Variants in IQGAP2 observed in about 807,000 individuals in gnomAD.
The protein encoded by IQGAP2 is ras GTPase-activating-like protein IQGAP2.
Under a neutral mutation model 201.3 loss-of-function variants are expected in IQGAP2, and 173 were observed. The observed-to-expected ratio is 0.86, with a 90% CI of 0.76 to 0.98. The LOEUF is 0.98. Ranked by LOEUF, IQGAP2 falls within the 50% of genes least tolerant of loss-of-function variation. The pLI, the probability that IQGAP2 is intolerant of heterozygous loss-of-function variation, is 0.00. For missense variants in IQGAP2, 1,687 were observed against 1,864.8 expected, an observed-to-expected ratio of 0.90 and a Z score of 1.76; for synonymous variants, 675 against 673.9, an observed-to-expected ratio of 1.00 and a Z score of -0.03.
chr5:76,619,289 G>C (rs1749352920), intron 13 of IQGAP2, among the ~76,000 whole-genome samples: 1 of 151,898 alleles, frequency 6.6e-6, no homozygotes, highest in African/African-American at 2.4e-5. Flanking sequence ...TGAAAGAGTG[G>C]GTGACAGCTA....
In IQGAP2 at chr5:76,611,018, A is replaced by G; in HGVS notation, c.1358-2A>G. 1.2e-6 allele frequency: 2 copies of G among 1,602,074 alleles called. No individual in the cohort carries two copies. Among genetic ancestry groups the G allele is most frequent in the Non-Finnish European group, 1.7e-6 (2 of 1,176,268 alleles). ...AAGGAAAACTACTTCTTCATTTTCT[A>G]GGAGTTGTAGCTGTAGGGTACATCA... On this transcript the variant is annotated splice_acceptor_variant, in intron 12 of 35. Coordinates refer to ENST00000274364, the MANE Select transcript of IQGAP2 (RefSeq NM_006633.5). LOFTEE classifies it high-confidence loss of function.
At chr5:76,618,288 A>C in intron 13 of IQGAP2, 1 of 1,614,246 alleles carries the variant, frequency 6.2e-7, no homozygotes, top group Non-Finnish European at 8.5e-7. Flanking sequence ...ACAAAAAAGA[A>C]AATCTGCAAT....
chr5:76,646,672 A>G (rs1437694344), intron 17 of IQGAP2, among the ~76,000 whole-genome samples: 1 of 152,170 alleles, frequency 6.6e-6, no homozygotes, highest in African/African-American at 2.4e-5. Flanking sequence ...ATAGAATTCT[A>G]GACTCATTCC....
Position 76,652,223 on chromosome 5 carries a change from A to G in IQGAP2, c.2095-527A>G, listed in dbSNP as rs1426983818. On this transcript the variant is annotated intron_variant, in intron 17 of 35. Transcript: ENST00000274364. The stretch of plus-strand genomic sequence containing the variant: ...GCATTGTTTAACTTTATGTGGGGAT[A>G]TATGAAATGATGGTCAGTTGCAGCA... 4.6e-5 allele frequency among the ~76,000 whole-genome samples: 7 copies of G among 152,212 alleles called. No homozygotes were observed. The East Asian group carries it at 1.3e-3, about 29-fold the overall frequency.
At chr5:76,661,524 A>G (rs1292036666) in intron 21 of IQGAP2, among the ~76,000 whole-genome samples, 1 of 152,156 alleles carries the variant, frequency 6.6e-6, no homozygotes, top group African/African-American at 2.4e-5. Flanking sequence ...ACTACCTGAA[A>G]CTCAGGACTG....
At chr5:76,671,151 C>A (rs1744271840) in intron 23 of IQGAP2, among the ~76,000 whole-genome samples, 1 of 152,050 alleles carries the variant, frequency 6.6e-6, no homozygotes, top group Admixed American at 6.5e-5. Context: ...ATCCGAGCTA[C>A]TCAGGAGGCT....
intron 1 of IQGAP2, among the ~76,000 whole-genome samples, chr5:76,454,825 G>A (rs1580227549): frequency 6.6e-6 from 1 of 152,178 alleles, no homozygotes. Context: ...GGATGGCTGG[G>A]TCAAATAGTA....
chr5:76,459,058 A>T (rs528777576), intron 1 of IQGAP2, among the ~76,000 whole-genome samples: 1 of 152,260 alleles, frequency 6.6e-6, no homozygotes, highest in East Asian at 1.9e-4. Context: ...AGCCTGGAAG[A>T]TAGGTAGGAT....
rs138615860 is a variant in IQGAP2, at chr5:76,644,184, C to T, written c.2094+3081C>T. 2.9e-3 allele frequency among the ~76,000 whole-genome samples: 433 copies of T among 151,102 alleles called. 1 individual carries two copies. Among genetic ancestry groups the T allele is most frequent in the African/African-American group, 0.01 (414 of 41,106 alleles). Reference sequence around the variant, plus strand: ...ACTTCTTTTATACAGATACTCTGCACAGAAAATATATTTATGGTACTAGAA... The same window carrying T: ...ACTTCTTTTATACAGATACTCTGCATAGAAAATATATTTATGGTACTAGAA... On this transcript the variant is annotated intron_variant, in intron 17 of 35. Coordinates refer to ENST00000274364, the MANE Select transcript of IQGAP2 (RefSeq NM_006633.5).
At chr5:76,590,655 A>G in intron 8 of IQGAP2, 69 bp downstream of exon 8, 1 of 1,197,182 alleles carries the variant, frequency 8.4e-7, no homozygotes, top group Non-Finnish European at 1.2e-6. Context: ...AAAAGCCTTA[A>G]TGTTGAAAGC....
At chr5:76,606,364 A>C in intron 12 of IQGAP2, 61 bp downstream of exon 12, 1 of 1,433,320 alleles carries the variant, frequency 7.0e-7, no homozygotes. Flanking sequence ...TGGACAACTT[A>C]GTTTTCTAGA....
At chr5:76,478,462 G>A (rs151270429) in intron 2 of IQGAP2, among the ~76,000 whole-genome samples, 2,178 of 152,214 alleles carry the variant, frequency 0.014, 50 homozygotes, top group African/African-American at 0.05. Context: ...AGTAGTGTAC[G>A]GTAATGTCCT....
intron 2 of IQGAP2, among the ~76,000 whole-genome samples, chr5:76,480,320 A>G (rs989742792): frequency 1.2e-4 from 18 of 152,200 alleles, no homozygotes; most frequent in African/African-American, 9.7e-5. Flanking sequence ...TCTTCTCTCA[A>G]ACATGGCCCT....
At chr5:76,412,333 T>TTGA (rs1751172596) in intron 1 of IQGAP2, among the ~76,000 whole-genome samples, 1 of 152,174 alleles carries the variant, frequency 6.6e-6, no homozygotes, top group African/African-American at 2.4e-5. Flanking sequence ...GGTTTATTTC[T>TTGA]TGATAATTTT....
At chr5:76,567,222 A>G (rs1411582202) in intron 3 of IQGAP2, among the ~76,000 whole-genome samples, 5 of 152,170 alleles carry the variant, frequency 3.3e-5, no homozygotes, top group African/African-American at 9.7e-5. Context: ...GGGAATACAG[A>G]TTGAATATCC....
intron 2 of IQGAP2, among the ~76,000 whole-genome samples, chr5:76,529,469 A>T (rs1007477049): frequency 2.0e-5 from 3 of 151,962 alleles, no homozygotes; most frequent in African/African-American, 7.2e-5. Context: ...CTCTACTAAA[A>T]ATACAAAAAT....
At chr5:76,680,559 C>T (rs913261430) in intron 28 of IQGAP2, among the ~76,000 whole-genome samples, 4 of 151,976 alleles carry the variant, frequency 2.6e-5, no homozygotes, top group Admixed American at 6.6e-5. Context: ...TGGTGGCTGA[C>T]GCTTGTAATC....
rs770404005 is a variant in IQGAP2, at chr5:76,625,152, T to C, written c.1522-2258T>C. Reference sequence around the variant, plus strand: ...CTCTAGTAATCGTTAGTTCAATGTTTCATAATTTAAACCGTTGACTTAAAT... The same window carrying C: ...CTCTAGTAATCGTTAGTTCAATGTTCCATAATTTAAACCGTTGACTTAAAT... On this transcript the variant is annotated intron_variant, in intron 13 of 35. Coordinates refer to ENST00000274364, the MANE Select transcript of IQGAP2 (RefSeq NM_006633.5). Among the ~76,000 whole-genome samples, 10 of 152,366 alleles carry C rather than the reference T, an allele frequency of 6.6e-5. No homozygotes were observed. The South Asian group carries it at 1.2e-3, about 19-fold the overall frequency.
At chr5:76,418,129 C>T (rs543874014) in intron 1 of IQGAP2, among the ~76,000 whole-genome samples, 50 of 144,594 alleles carry the variant, frequency 3.5e-4, no homozygotes, top group Middle Eastern at 3.7e-3. Context: ...ATCACTTGAA[C>T]GTGGGAGGCG....
Sources: allele counts gnomAD v4.1 joint callset (sites outside exome capture counted in the v4.1 genomes callset), GRCh38; gene constraint gnomAD v4.1.1; transcripts MANE v1.5; gene names NCBI Gene and HGNC (gene_info 2026-07-23, HGNC 2026-07-21).